Variants in USP15 observed in about 807,000 individuals in gnomAD.
USP15 encodes ubiquitin carboxyl-terminal hydrolase 15.
USP15 carries 18 observed loss-of-function variants against 127.1 expected under a neutral mutation model. That is an observed-to-expected ratio of 0.14 (90% confidence interval 0.10 to 0.21). USP15 has a LOEUF of 0.21. Among genes scored for constraint, USP15 ranks in the 10% least tolerant of loss-of-function variants. USP15 has a pLI of 1.00. For missense variants in USP15, 805 were observed against 1,159.9 expected, an observed-to-expected ratio of 0.69 and a Z score of 4.44; for synonymous variants, 364 against 393.7, an observed-to-expected ratio of 0.92 and a Z score of 0.89.
chr12:62,317,300 T>C (rs1053929006), intron 4 of USP15, among the ~76,000 whole-genome samples: 1 of 152,176 alleles, frequency 6.6e-6, no homozygotes, highest in Non-Finnish European at 1.5e-5. Flanking sequence ...TTAAGCACTT[T>C]ACAGGAATTT....
At chr12:62,319,331 C>A (rs2064921880) in intron 4 of USP15, among the ~76,000 whole-genome samples, 1 of 152,174 alleles carries the variant, frequency 6.6e-6, no homozygotes, top group African/African-American at 2.4e-5. Flanking sequence ...CTGGGGATTA[C>A]AATTTGGCAT....
chr12:62,377,375 A>G (rs1160105578), intron 8 of USP15, among the ~76,000 whole-genome samples: 1 of 152,206 alleles, frequency 6.6e-6, no homozygotes, highest in Non-Finnish European at 1.5e-5. Context: ...ATGTTAAATA[A>G]TGAATTGCAT....
At chr12:62,300,236 G>T (rs773419282) in intron 2 of USP15, among the ~76,000 whole-genome samples, 5 of 151,972 alleles carry the variant, frequency 3.3e-5, no homozygotes, top group Non-Finnish European at 7.4e-5. Flanking sequence ...AAAGATTTAT[G>T]TAAGATTTAT....
chr12:62,355,861 A>C (rs1329493182), intron 8 of USP15, among the ~76,000 whole-genome samples: 1 of 148,608 alleles, frequency 6.7e-6, no homozygotes, highest in Admixed American at 6.7e-5. Context: ...GGAAATTAAA[A>C]TTTTAAAAAG....
At chr12:62,308,328 T>C (rs889837964) in intron 3 of USP15, among the ~76,000 whole-genome samples, 1 of 152,006 alleles carries the variant, frequency 6.6e-6, no homozygotes, top group Admixed American at 6.6e-5. Flanking sequence ...TCAAAGATGC[T>C]CCCCAGTGAT....
intron 1 of USP15, chr12:62,279,029 G>A (rs538968952): frequency 1.1e-4 from 17 of 152,130 alleles, no homozygotes; most frequent in Admixed American, 8.5e-4. Flanking sequence ...TACTTAACAT[G>A]AGCGCTGCCC....
At chr12:62,299,713 C>T (rs966434854) in intron 2 of USP15, among the ~76,000 whole-genome samples, 15 of 152,148 alleles carry the variant, frequency 9.9e-5, no homozygotes, top group African/African-American at 3.6e-4. Flanking sequence ...TTTTAAACTT[C>T]GTTGTTTAAC....
At chr12:62,370,461 T>C (rs994670868) in intron 8 of USP15, among the ~76,000 whole-genome samples, 11 of 152,196 alleles carry the variant, frequency 7.2e-5, no homozygotes, top group Admixed American at 5.9e-4. Context: ...GGAACTAGAC[T>C]GCCTGTATTC....
intron 11 of USP15, among the ~76,000 whole-genome samples, chr12:62,388,369 G>A (rs2067223082): frequency 6.6e-6 from 1 of 152,164 alleles, no homozygotes; most frequent in South Asian, 2.1e-4. Flanking sequence ...TCGGGCTTAA[G>A]CGATTCACCT....
intron 20 of USP15, among the ~76,000 whole-genome samples, chr12:62,400,866 A>G (rs1021907031): frequency 2.6e-5 from 4 of 152,086 alleles, no homozygotes; most frequent in Non-Finnish European, 5.9e-5. Context: ...TGTAAAGTGC[A>G]TAACACTATG....
intron 8 of USP15, among the ~76,000 whole-genome samples, chr12:62,371,564 G>A (rs971094220): frequency 2.1e-4 from 32 of 152,228 alleles, no homozygotes; most frequent in Non-Finnish European, 2.2e-4. Context: ...ATAATAAAAA[G>A]CAAGACTTGT....
At chr12:62,270,493 G>A (rs1586916) in intron 1 of USP15, among the ~76,000 whole-genome samples, 12,931 of 152,006 alleles carry the variant, frequency 0.085, 627 homozygotes, top group Middle Eastern at 0.16. Flanking sequence ...TTGTAGTTCT[G>A]GCTCTTACAT....
chr12:62,327,787 T>C (rs2065172015), intron 6 of USP15: 1 of 313,106 alleles, frequency 3.2e-6, no homozygotes, highest in Non-Finnish European at 6.2e-6. Flanking sequence ...ACAGGTGCTG[T>C]ACTAGAGATG....
intron 8 of USP15, among the ~76,000 whole-genome samples, chr12:62,367,539 G>A (rs1592679898): frequency 1.3e-5 from 2 of 152,156 alleles, no homozygotes; most frequent in East Asian, 1.9e-4. Context: ...ACTTCTTCCT[G>A]GTTTAGTCTT....
intron 8 of USP15, among the ~76,000 whole-genome samples, chr12:62,375,880 C>T (rs180941180): frequency 4.5e-4 from 69 of 152,288 alleles, no homozygotes; most frequent in African/African-American, 1.6e-3. Flanking sequence ...AATTGTCTTG[C>T]ACATACAATA....
At chr12:62,327,194 A>G (rs1345195101) in intron 6 of USP15, among the ~76,000 whole-genome samples, 1 of 147,734 alleles carries the variant, frequency 6.8e-6, no homozygotes, top group African/African-American at 2.6e-5. Context: ...GTGGTTTTCT[A>G]TCCTTTTTTA....
At chr12:62,303,964 G>T (rs2064400921) in intron 3 of USP15, among the ~76,000 whole-genome samples, 1 of 151,766 alleles carries the variant, frequency 6.6e-6, no homozygotes, top group South Asian at 2.1e-4. Flanking sequence ...TGAGTGTTTT[G>T]ATCAAAGGTA....
chr12:62,285,870 C>T (rs1039233245), intron 1 of USP15, among the ~76,000 whole-genome samples: 5 of 152,100 alleles, frequency 3.3e-5, no homozygotes, highest in Non-Finnish European at 5.9e-5. Flanking sequence ...ATACTGTTTT[C>T]CATAAAGGTT....
Position 62,367,777 on chromosome 12 carries a change from T to G in USP15, c.915+12302T>G, listed in dbSNP as rs577211233. Among the ~76,000 whole-genome samples, 3 of 152,222 alleles carry G rather than the reference T, an allele frequency of 2.0e-5. No individual in the cohort carries two copies. The South Asian group carries it at 6.2e-4, about 32-fold the overall frequency. On this transcript the variant is annotated intron_variant, in intron 8 of 21. Transcript: ENST00000280377. ...AAAACTAGCTCCTAGATTTCATTGA[T>G]TTTTTTGAAAGGTTTTTCGTGTCTC...
Sources: allele counts gnomAD v4.1 joint callset (sites outside exome capture counted in the v4.1 genomes callset), GRCh38; gene constraint gnomAD v4.1.1; transcripts MANE v1.5; gene names NCBI Gene and HGNC (gene_info 2026-07-23, HGNC 2026-07-21).